Variants in TMEM230 observed in about 807,000 individuals in gnomAD.
TMEM230 encodes transmembrane protein 230.
In TMEM230, 10 loss-of-function variants were observed where a neutral mutation model predicts 15.8. The observed-to-expected ratio is 0.63, with a 90% CI of 0.39 to 1.07. The LOEUF (loss-of-function observed/expected upper bound fraction) is 1.07, where lower values mean the gene tolerates loss of function less well. TMEM230 is among the 50% of genes least tolerant of loss of function. The probability of loss-of-function intolerance (pLI) is 0.01; values close to 1 mark genes in which losing one functional copy is unlikely to be tolerated. For synonymous variants in TMEM230, 67 were observed against 76.9 expected (o/e 0.87, Z 0.68); for missense variants, 165 against 193.3 (o/e 0.85, Z 0.87).
chr20:5,069,123 T>A, exon 4 of TMEM230: 1 of 1,317,106 alleles, frequency 7.6e-7, no homozygotes, highest in South Asian at 1.4e-5. Context: ...GCTGACGTAC[T>A]TATTCCTAGG....
At chr20:5,075,720 G>T (rs536440764) in intron 3 of TMEM230, among the ~76,000 whole-genome samples, 1 of 151,780 alleles carries the variant, frequency 6.6e-6, no homozygotes, top group African/African-American at 2.4e-5. Flanking sequence ...GAGAAACTTC[G>T]CCTCAAAAAT....
downstream of TMEM230, among the ~76,000 whole-genome samples, chr20:5,097,660 C>T (rs1340076000): frequency 2.0e-5 from 3 of 152,078 alleles, no homozygotes; most frequent in Non-Finnish European, 2.9e-5. Flanking sequence ...TTTTTTGAGA[C>T]GGAGTCTCAC....
intron 1 of TMEM230, chr20:5,111,759 C>T (rs1342151146): frequency 3.5e-5 from 34 of 978,878 alleles, no homozygotes; most frequent in Non-Finnish European, 4.0e-5. Context: ...GTGGTTAGTA[C>T]TTACCTAGTC....
At chr20:5,077,686 T>C (rs1293848525) in intron 3 of TMEM230, among the ~76,000 whole-genome samples, 1 of 151,954 alleles carries the variant, frequency 6.6e-6, no homozygotes, top group Non-Finnish European at 1.5e-5. Flanking sequence ...ATACAAAAAT[T>C]AGCAGGGTGT....
downstream of TMEM230, among the ~76,000 whole-genome samples, chr20:5,095,198 A>T (rs1027932468): frequency 6.6e-6 from 1 of 152,162 alleles, no homozygotes; most frequent in Non-Finnish European, 1.5e-5. Context: ...TTCTTGTGTT[A>T]GTGAGAGGAA....
intron 3 of TMEM230, among the ~76,000 whole-genome samples, chr20:5,090,548 A>G (rs1210378738): frequency 6.6e-6 from 1 of 152,200 alleles, no homozygotes; most frequent in Non-Finnish European, 1.5e-5. Flanking sequence ...GGATATATAC[A>G]AATGGGGTCA....
At chr20:5,081,976 C>A (rs933673243) in intron 3 of TMEM230, among the ~76,000 whole-genome samples, 4 of 148,598 alleles carry the variant, frequency 2.7e-5, no homozygotes, top group African/African-American at 5.1e-5. Context: ...CGGGTTCAAG[C>A]AATTCTCCTG....
intron 4 of TMEM230, among the ~76,000 whole-genome samples, chr20:5,103,636 A>C (rs1017710784): frequency 3.9e-5 from 6 of 151,934 alleles, no homozygotes; most frequent in African/African-American, 1.2e-4. Context: ...GTCTCAAAAA[A>C]AAAAAAACAA....
intron 3 of TMEM230, among the ~76,000 whole-genome samples, chr20:5,072,169 G>C (rs951833643): frequency 2.6e-5 from 4 of 152,158 alleles, no homozygotes; most frequent in African/African-American, 9.7e-5. Context: ...TCCCACCTCA[G>C]CCGGCTGAGT....
chr20:5,087,369 A>G (rs1159371576), intron 3 of TMEM230, among the ~76,000 whole-genome samples: 1 of 151,856 alleles, frequency 6.6e-6, no homozygotes, highest in Non-Finnish European at 1.5e-5. Flanking sequence ...GGACCTGATC[A>G]TTGCTAGGTC....
At chr20:5,073,964 C>A (rs1200628742) in intron 3 of TMEM230, among the ~76,000 whole-genome samples, 1 of 152,156 alleles carries the variant, frequency 6.6e-6, no homozygotes, top group Non-Finnish European at 1.5e-5. Context: ...CAGGGAGCTG[C>A]CACTCATGGT....
intron 1 of TMEM230, among the ~76,000 whole-genome samples, chr20:5,112,451 C>T (rs1340252501): frequency 6.6e-6 from 1 of 152,120 alleles, no homozygotes; most frequent in African/African-American, 2.4e-5. Flanking sequence ...TTTTAAAGTA[C>T]GTCCCCTGAC....
chr20:5,078,003 A>C (rs2089055539), intron 3 of TMEM230, among the ~76,000 whole-genome samples: 3 of 151,984 alleles, frequency 2.0e-5, no homozygotes, highest in Admixed American at 2.0e-4. Flanking sequence ...CACTGAGGTG[A>C]TATTTGTATC....
chr20:5,085,275 C>CT (rs2089300844), intron 3 of TMEM230, among the ~76,000 whole-genome samples: 2 of 151,672 alleles, frequency 1.3e-5, no homozygotes, highest in Non-Finnish European at 2.9e-5. Flanking sequence ...GCTCCTGAAT[C>CT]TTTTTTTGTT....
At chr20:5,081,565 T>C (rs1351272053) in intron 3 of TMEM230, among the ~76,000 whole-genome samples, 1 of 152,166 alleles carries the variant, frequency 6.6e-6, no homozygotes, top group Non-Finnish European at 1.5e-5. Flanking sequence ...AGCTCCCACA[T>C]GCCCAAATGG....
At chr20:5,102,144 G>A (rs564047304) in intron 4 of TMEM230, among the ~76,000 whole-genome samples, 2 of 152,252 alleles carry the variant, frequency 1.3e-5, no homozygotes, top group East Asian at 3.9e-4. Context: ...TAGGAACTAT[G>A]GAAGTTTACT....
intron 3 of TMEM230, among the ~76,000 whole-genome samples, chr20:5,072,505 T>C (rs1258910368): frequency 6.6e-6 from 1 of 151,476 alleles, no homozygotes; most frequent in Non-Finnish European, 1.5e-5. Context: ...AGAGTGTTTT[T>C]TTCCTTTTTG....
downstream of TMEM230, among the ~76,000 whole-genome samples, chr20:5,067,590 C>T (rs2326586): frequency 0.018 from 2,649 of 149,652 alleles, 79 homozygotes; most frequent in African/African-American, 0.058. Context: ...ACTACAAGTG[C>T]GTGCCACCAC....
intron 3 of TMEM230, among the ~76,000 whole-genome samples, chr20:5,089,967 T>C (rs546396582): frequency 2.0e-5 from 3 of 151,832 alleles, no homozygotes; most frequent in East Asian, 3.9e-4. Flanking sequence ...TGCAGTGGGC[T>C]ATCGTGCCAC....
Sources: gnomAD v4.1 joint callset for allele counts (sites outside exome capture counted in the v4.1 genomes callset) on GRCh38, gnomAD v4.1.1 for gene constraint, MANE v1.5 for transcripts, NCBI Gene and HGNC (gene_info 2026-07-23, HGNC 2026-07-21) for gene names.